STN1: variants seen among roughly 807,000 people sequenced by gnomAD.
STN1 encodes the protein CST complex subunit STN1.
In STN1, 29 loss-of-function variants were observed where a neutral mutation model predicts 45.5. The ratio of observed to expected loss-of-function variants is 0.64; its 90% CI spans 0.47 to 0.87. The LOEUF (loss-of-function observed/expected upper bound fraction) is 0.87, where lower values mean the gene tolerates loss of function less well. Among genes scored for constraint, STN1 ranks in the 40% least tolerant of loss-of-function variants. The pLI, the probability that STN1 is intolerant of heterozygous loss-of-function variation, is 0.00. For missense variants in STN1, 376 were observed against 441.4 expected, an observed-to-expected ratio of 0.85 and a Z score of 1.33; for synonymous variants, 148 against 159.0, an observed-to-expected ratio of 0.93 and a Z score of 0.52.
At chr10:103,883,396 T>G (rs192957431) in intron 9 of STN1, among the ~76,000 whole-genome samples, 59 of 152,228 alleles carry the variant, frequency 3.9e-4, no homozygotes, top group Non-Finnish European at 7.6e-4. Context: ...TAACCTCTTA[T>G]GCTCTGCCCC....
chr10:103,897,374 A>G (rs555241145), intron 7 of STN1, among the ~76,000 whole-genome samples, 174 bp downstream of exon 7: 1 of 152,234 alleles, frequency 6.6e-6, no homozygotes, highest in Admixed American at 6.5e-5. Context: ...CCTCATTTCA[A>G]GTTCTTAGTA....
At chr10:103,907,335 C>T (rs1225398025) in intron 3 of STN1, among the ~76,000 whole-genome samples, 2 of 152,124 alleles carry the variant, frequency 1.3e-5, no homozygotes, top group Admixed American at 1.3e-4. Flanking sequence ...AAAAGATATA[C>T]ATGGCTCATT....
At position 103,897,710 on chromosome 10, in the gene STN1, G is replaced by A. The variant is rs772601033; in HGVS notation, c.591C>T (p.Gly197=). 4.3e-5 allele frequency: 70 copies of A among 1,613,872 alleles called. No homozygotes were observed. The highest frequency in any genetic ancestry group is 6.7e-5 in the African/African-American group (5 of 74,900). The part of the protein sequence containing the change: ...LEKEEALSNP[G]ALDLPSLTSL... ...TCGTGAGACTGGGGAGGTCCAGGGC[G>A]CCTGGATTGCTGCGGAGGGAAAGTT... is the stretch of plus-strand genomic sequence containing the variant. Residue 197 remains glycine, a synonymous_variant, in exon 7 of 10, where the codon GGC becomes GGT. Coordinates refer to ENST00000224950, the MANE Select transcript of STN1 (RefSeq NM_024928.5).
chr10:103,911,105 A>C (rs1354511337), intron 2 of STN1, among the ~76,000 whole-genome samples: 1 of 151,860 alleles, frequency 6.6e-6, no homozygotes, highest in African/African-American at 2.4e-5. Context: ...AAAAACAGTA[A>C]GTAGGTTACA....
At chr10:103,905,053 T>C (rs755508289) in intron 4 of STN1, 38 bp downstream of exon 4, 41 of 1,563,472 alleles carry the variant, frequency 2.6e-5, no homozygotes, top group Non-Finnish European at 3.5e-5. Context: ...AATCCATTAG[T>C]TAGGTGAAAA....
chr10:103,904,978 A>G lies in STN1; in HGVS notation c.295+113T>C, dbSNP rs1843231186. 6.6e-6 allele frequency: 6 copies of G among 908,962 alleles called. 1 individual carries two copies. In the Admixed American group the frequency reaches 1.1e-4, roughly 16 times the overall value. 56.3% of individuals were successfully genotyped at this position (908,962 alleles called of 1,614,324 possible). The stretch of plus-strand genomic sequence containing the variant: ...TATAGTGCTTCAGGTAGATCAATGT[A>G]ACTCACCAGCAGATAAATGTGAAAA... On this transcript the variant is annotated intron_variant, in intron 4 of 9. Transcript: ENST00000224950.
At chr10:103,905,349 A>C (rs1249744441) in intron 3 of STN1, among the ~76,000 whole-genome samples, 193 bp from the exon 4 acceptor site, 3 of 152,194 alleles carry the variant, frequency 2.0e-5, no homozygotes, top group African/African-American at 4.8e-5. Flanking sequence ...TTGTCTGCAC[A>C]AGTCAATGTA....
chr10:103,889,327 C>T (rs1434545953), intron 8 of STN1, among the ~76,000 whole-genome samples, 183 bp from the exon 9 acceptor site: 1 of 151,992 alleles, frequency 6.6e-6, no homozygotes, highest in Non-Finnish European at 1.5e-5. Context: ...CCAGAGGACA[C>T]GTCCTTGGGA....
At chr10:103,907,193 TAC>T (rs1283311594) in intron 3 of STN1, among the ~76,000 whole-genome samples, 1 of 152,216 alleles carries the variant, frequency 6.6e-6, no homozygotes, top group African/African-American at 2.4e-5. Context: ...CAAAAACAAG[TAC>T]ACAGATACAT....
intron 9 of STN1, among the ~76,000 whole-genome samples, chr10:103,884,272 TG>T (rs1417763425): frequency 6.6e-6 from 1 of 152,020 alleles, no homozygotes; most frequent in African/African-American, 2.4e-5. Flanking sequence ...GTAGTCAAAC[TG>T]GGGGTTGTGC....
At chr10:103,909,101 G>A (rs1362950751) in intron 3 of STN1, among the ~76,000 whole-genome samples, 1 of 151,612 alleles carries the variant, frequency 6.6e-6, no homozygotes, top group African/African-American at 2.4e-5. Context: ...AAAGACTAGA[G>A]GGAGAATAAT....
chr10:103,917,356 T>C (rs1843340617), intron 2 of STN1, 106 bp downstream of exon 2: 2 of 1,054,978 alleles, frequency 1.9e-6, no homozygotes, highest in Middle Eastern at 3.2e-4. Context: ...TTTCAAAGCC[T>C]GCAGCAGGGA....
chr10:103,902,198 G>C (rs1843214175), intron 4 of STN1, among the ~76,000 whole-genome samples: 1 of 152,156 alleles, frequency 6.6e-6, no homozygotes, highest in East Asian at 1.9e-4. Flanking sequence ...GTCCAGGTAG[G>C]AACCTGGACG....
At position 103,891,805 on chromosome 10, in the gene STN1, C is replaced by T. The variant is rs71473505; in HGVS notation, c.876+325G>A. 9.6e-3 allele frequency among the ~76,000 whole-genome samples: 1,460 copies of T among 152,282 alleles called. 7 individuals carry two copies. The highest frequency in any genetic ancestry group is 0.016 in the Non-Finnish European group (1,111 of 68,018). ...ACCAAAATCCACACACACTCAAGTC[C>T]TGAAGTTGGCTCTGTGAAACCTGCA... On this transcript the variant is annotated intron_variant, in intron 8 of 9. Transcript: ENST00000224950.
intron 4 of STN1, 119 bp downstream of exon 4, chr10:103,904,972 C>G (rs931667560): frequency 4.6e-6 from 4 of 865,060 alleles, no homozygotes; most frequent in Non-Finnish European, 7.7e-6. Context: ...TCAGGTAGAT[C>G]AATGTAACTC....
At position 103,900,744 on chromosome 10, in the gene STN1, T is replaced by A. The variant is rs142399775; in HGVS notation, c.296-521A>T. Among the ~76,000 whole-genome samples the A allele has an allele frequency of 2.0e-3, 286 of 145,366 alleles. 2 individuals carry two copies. Among genetic ancestry groups the A allele is most frequent in the Middle Eastern group, 0.018 (5 of 280 alleles). On this transcript the variant is annotated intron_variant, in intron 4 of 9. Coordinates refer to ENST00000224950, the MANE Select transcript of STN1 (RefSeq NM_024928.5). The stretch of plus-strand genomic sequence containing the variant: ...CACACACACACACTCTCTCTCTCTC[T>A]CACACTTTCTCCACTTTCTCTCTCT...
chr10:103,917,431 C>A (rs1843341069), intron 2 of STN1, 31 bp downstream of exon 2: 1 of 1,604,668 alleles, frequency 6.2e-7, no homozygotes. Context: ...CAGATGCAGC[C>A]CAGGGCATCC....
chr10:103,900,748 A>G (rs1442046411), intron 4 of STN1, among the ~76,000 whole-genome samples: 1 of 128,290 alleles, frequency 7.8e-6, no homozygotes, highest in Non-Finnish European at 1.8e-5. Context: ...TCTCTCTCAC[A>G]CTTTCTCCAC....
Position 103,917,535 on chromosome 10 carries a change from A to T in STN1, c.60T>A (p.Asp20Glu), listed in dbSNP as rs201173791. ...EETPSLLWGL[D>E]PVFLAFAKLY... ...GTTTTGCAAAGGCTAGAAACACAGGATCCAAACCCCACAAGAGGGAAGGGG... is the reference window on the plus strand; with the variant it reads ...GTTTTGCAAAGGCTAGAAACACAGGTTCCAAACCCCACAAGAGGGAAGGGG... The change falls in exon 2 of 10, where the codon GAT (aspartate) becomes GAA (glutamate). Residue 20 changes from aspartate (D) to glutamate (E), a missense_variant. Transcript: ENST00000224950. The T allele has an allele frequency of 6.2e-6, 10 of 1,614,146 alleles. No homozygotes were observed. The Admixed American group carries it at 1.7e-4, about 27-fold the overall frequency.
Sources: gnomAD v4.1 joint callset for allele counts (sites outside exome capture counted in the v4.1 genomes callset) on GRCh38, gnomAD v4.1.1 for gene constraint, MANE v1.5 for transcripts, NCBI Gene and HGNC (gene_info 2026-07-23, HGNC 2026-07-21) for gene names.